Variants in LIPA observed in about 807,000 individuals in gnomAD.
LIPA encodes the protein lysosomal acid lipase/cholesteryl ester hydrolase.
A neutral mutation model predicts 40.6 loss-of-function variants in LIPA; 26 were observed. The observed-to-expected ratio is 0.64, with a 90% CI of 0.47 to 0.89. The LOEUF is 0.89. Ranked by LOEUF, LIPA falls within the 40% of genes least tolerant of loss-of-function variation. LIPA has a pLI of 0.00. For synonymous variants in LIPA, 188 were observed against 168.4 expected, an observed-to-expected ratio of 1.12 and a Z score of -0.90; for missense variants, 455 against 479.6, an observed-to-expected ratio of 0.95 and a Z score of 0.48.
At chr10:89,397,147 G>A (rs532164866) in intron 2 of LIPA, among the ~76,000 whole-genome samples, 1 of 151,978 alleles carries the variant, frequency 6.6e-6, no homozygotes, top group African/African-American at 2.4e-5. Context: ...ATATTCTATG[G>A]TATAGATATA....
At chr10:89,384,287 C>T (rs1487950880) in intron 2 of LIPA, 2 of 1,614,140 alleles carry the variant, frequency 1.2e-6, no homozygotes, top group East Asian at 2.2e-5. Context: ...GTTCAATTGG[C>T]TATATGCAAA....
intron 1 of LIPA, among the ~76,000 whole-genome samples, chr10:89,288,254 G>A (rs1402673231): frequency 6.6e-6 from 1 of 151,994 alleles, no homozygotes; most frequent in African/African-American, 2.4e-5. Flanking sequence ...GCATGGTTAG[G>A]TATTTCCACC....
In LIPA at chr10:89,247,520, T is replaced by A; in HGVS notation, c.111+18A>T. On this transcript the variant is annotated intron_variant, in intron 2 of 9. Coordinates refer to ENST00000336233, the MANE Select transcript of LIPA (RefSeq NM_000235.4). ...GAAATAGATGCATTTTAAAAGTACA[T>A]AACTTTGAGAAACTTACCACATTCA... 2 of 1,484,416 alleles carry A rather than the reference T, an allele frequency of 1.3e-6. No individual in the cohort carries two copies. Among genetic ancestry groups the A allele is most frequent in the Non-Finnish European group, 9.4e-7 (1 of 1,063,472 alleles). 92.0% of individuals were successfully genotyped at this position (1,484,416 alleles called of 1,614,324 possible). A position where few individuals can be genotyped will look rare whatever the true frequency, so the allele number is the denominator to read the frequency against.
At chr10:89,239,583 C>A (rs1212098582) in intron 3 of LIPA, among the ~76,000 whole-genome samples, 2 of 152,182 alleles carry the variant, frequency 1.3e-5, no homozygotes, top group East Asian at 3.9e-4. Context: ...ACAAGAGCAC[C>A]CTGCATCACA....
chr10:89,324,641 A>G (rs995396079), intron 1 of LIPA, among the ~76,000 whole-genome samples: 3 of 152,200 alleles, frequency 2.0e-5, no homozygotes, highest in African/African-American at 7.2e-5. Flanking sequence ...TAATATTGAG[A>G]ATCTATAAGA....
At chr10:89,357,421 A>G (rs186312942) in intron 2 of LIPA, among the ~76,000 whole-genome samples, 7 of 152,338 alleles carry the variant, frequency 4.6e-5, no homozygotes, top group African/African-American at 1.7e-4. Flanking sequence ...TTTCTAGCAT[A>G]TTTTTAAATT....
chr10:89,331,130 G>C (rs1332985647), intron 1 of LIPA, among the ~76,000 whole-genome samples: 3 of 152,184 alleles, frequency 2.0e-5, no homozygotes, highest in Admixed American at 2.0e-4. Context: ...AGACAGAGGT[G>C]TTCAACAGAA....
At chr10:89,262,459 C>G (rs571530318) in intron 1 of LIPA, among the ~76,000 whole-genome samples, 16 of 152,346 alleles carry the variant, frequency 1.1e-4, no homozygotes, top group African/African-American at 3.8e-4. Context: ...TCCTAAATGA[C>G]AGCACAATGA....
chr10:89,380,408 G>C (rs1357900142), intron 2 of LIPA, among the ~76,000 whole-genome samples: 1 of 151,728 alleles, frequency 6.6e-6, no homozygotes, highest in South Asian at 2.1e-4. Context: ...ACAGGGATTA[G>C]GTCACTACAT....
chr10:89,221,917 AT>A (rs34003969), intron 8 of LIPA, among the ~76,000 whole-genome samples: 22,449 of 152,040 alleles, frequency 0.15, 1,931 homozygotes, highest in African/African-American at 0.21. Flanking sequence ...TTTTAAGATA[AT>A]TTTTTTCTAG....
intron 2 of LIPA, among the ~76,000 whole-genome samples, chr10:89,374,309 T>C (rs973183398): frequency 2.6e-5 from 4 of 151,848 alleles, no homozygotes; most frequent in African/African-American, 9.7e-5. Flanking sequence ...GTTTCCATTG[T>C]TTTTTTCCTA....
chr10:89,383,812 G>C, intron 2 of LIPA: 2 of 1,614,220 alleles, frequency 1.2e-6, no homozygotes, highest in Non-Finnish European at 1.7e-6. Flanking sequence ...CTTTGAAAAG[G>C]CTCTGGAAGG....
At chr10:89,253,422 C>G (rs551784897), upstream of LIPA, among the ~76,000 whole-genome samples, 20 of 152,288 alleles carry the variant, frequency 1.3e-4, no homozygotes, top group African/African-American at 4.3e-4. Context: ...AACCATCAGA[C>G]CTTGTGAGAC....
At chr10:89,358,494 C>T (rs574536280) in intron 2 of LIPA, among the ~76,000 whole-genome samples, 1 of 152,280 alleles carries the variant, frequency 6.6e-6, no homozygotes, top group East Asian at 1.9e-4. Context: ...ATTGGAGCAC[C>T]ATTCACAATA....
chr10:89,259,372 C>A (rs779195050), intron 1 of LIPA, among the ~76,000 whole-genome samples: 23 of 152,108 alleles, frequency 1.5e-4, no homozygotes, highest in Non-Finnish European at 3.1e-4. Context: ...AAATGAAAAC[C>A]ACAATGAGAT....
At chr10:89,295,315 G>C (rs555235918) in intron 1 of LIPA, among the ~76,000 whole-genome samples, 10 of 152,136 alleles carry the variant, frequency 6.6e-5, no homozygotes. Flanking sequence ...AGCTCTTCTA[G>C]GTGGACAAAA....
rs534674456 is a variant in LIPA at position 89,388,045 on chromosome 10, C to T, written c.61+24746G>A. Among the ~76,000 whole-genome samples, 35 of 152,114 alleles carry T rather than the reference C, an allele frequency of 2.3e-4. No individual in the cohort carries two copies. In the South Asian group the frequency reaches 6.6e-3, roughly 29 times the overall value. ...AAGGATTCCAAGTGATTTTTAAGTGCGCTGTAATTTGACTCTACATTTTTA... is the reference window on the plus strand; with the variant it reads ...AAGGATTCCAAGTGATTTTTAAGTGTGCTGTAATTTGACTCTACATTTTTA... On this transcript the variant is annotated intron_variant, in intron 2 of 8. Transcript: ENST00000371837.
At chr10:89,297,198 A>G (rs1356210709) in intron 1 of LIPA, among the ~76,000 whole-genome samples, 1 of 152,172 alleles carries the variant, frequency 6.6e-6, no homozygotes, top group Non-Finnish European at 1.5e-5. Flanking sequence ...GTCAAATGAG[A>G]GAACTTCAGC....
At chr10:89,353,079 G>A (rs1843968619) in intron 2 of LIPA, among the ~76,000 whole-genome samples, 2 of 152,070 alleles carry the variant, frequency 1.3e-5, no homozygotes, top group African/African-American at 4.8e-5. Flanking sequence ...ACATGAACAG[G>A]GCAGGAGAGG....
Sources: allele counts gnomAD v4.1 joint callset (sites outside exome capture counted in the v4.1 genomes callset), GRCh38; gene constraint gnomAD v4.1.1; transcripts MANE v1.5; gene names NCBI Gene and HGNC (gene_info 2026-07-23, HGNC 2026-07-21).